The following ADPRHL1 variants were observed in gnomAD, a reference collection of about 807,000 sequenced individuals.
ADPRHL1 encodes inactive ADP-ribosyltransferase ARH2.
Under a neutral mutation model 44.1 loss-of-function variants are expected in ADPRHL1, and 43 were observed. The ratio of observed to expected loss-of-function variants is 0.98; its 90% CI spans 0.76 to 1.26. ADPRHL1 has a LOEUF of 1.26. ADPRHL1 is among the 50% of genes most tolerant of loss of function. ADPRHL1 has a pLI of 0.00. For synonymous variants in ADPRHL1, 878 were observed against 1,017.4 expected (o/e 0.86, Z 2.61); for missense variants, 2,022 against 2,496.9 (o/e 0.81, Z 4.05).
chr13:113,399,758 A>G lies in ADPRHL1; in HGVS notation c.*3620T>C, dbSNP rs142262091. 105 of 152,186 alleles carry G rather than the reference A, an allele frequency of 6.9e-4. 1 individual carries two copies. Among genetic ancestry groups the G allele is most frequent in the African/African-American group, 2.3e-3 (95 of 41,546 alleles). 9.4% of individuals were successfully genotyped at this position (152,186 alleles called of 1,614,324 possible). On this transcript the variant is annotated 3_prime_UTR_variant, in exon 8 of 8. Coordinates refer to ENST00000612156, the MANE Select transcript of ADPRHL1 (RefSeq NM_001394807.1). ...TGTTTATATACAAAGAAGAATATGA[A>G]CAAGAACAAATTTAATAAATAGCTG...
At chr13:113,417,729 G>A (rs1190505550) in intron 7 of ADPRHL1, among the ~76,000 whole-genome samples, 1 of 152,270 alleles carries the variant, frequency 6.6e-6, no homozygotes, top group Non-Finnish European at 1.5e-5. Context: ...GTGTTAACTG[G>A]AAATGCGTTT....
chr13:113,452,315 C>T (rs2044184099), intron 1 of ADPRHL1, among the ~76,000 whole-genome samples: 2 of 152,204 alleles, frequency 1.3e-5, no homozygotes, highest in Non-Finnish European at 2.9e-5. Context: ...TTCAGCTCTC[C>T]CGTTATTTAG....
chr13:113,423,105 C>T, intron 6 of ADPRHL1, 126 bp from the exon 7 acceptor site: 1 of 1,359,088 alleles, frequency 7.4e-7, no homozygotes, highest in Non-Finnish European at 1.0e-6. Flanking sequence ...ATAAAAGGGA[C>T]AGGCAGGCCA....
rs1051788195 is a variant in ADPRHL1 at position 113,405,285 on chromosome 13, G to T, written c.3997C>A (p.Arg1333=). 8.1e-7 allele frequency: 1 copy of T among 1,231,876 alleles called. No homozygotes were observed. Among genetic ancestry groups the T allele is most frequent in the Non-Finnish European group, 1.0e-6 (1 of 988,094 alleles). The allele number at this position is 1,231,876 out of a possible 1,614,324, so 76.3% of individuals were successfully genotyped here. A position where few individuals can be genotyped will look rare whatever the true frequency, so the allele number is the denominator to read the frequency against. The part of the protein sequence containing the change: ...DMGWVGGTHQ[R]GPPHLQAHLP... ...TGTGCCTGTAGATGGGGAGGGCCCC[G>T]CTGGTGGGTGCCACCTACCCACCCC... The change falls in exon 8 of 8, where the codon CGG becomes AGG. Residue 1333 remains arginine, a synonymous_variant. Coordinates refer to ENST00000612156, the MANE Select transcript of ADPRHL1 (RefSeq NM_001394807.1).
intron 7 of ADPRHL1, among the ~76,000 whole-genome samples, chr13:113,418,157 A>T (rs945258945): frequency 6.6e-6 from 1 of 152,204 alleles, no homozygotes; most frequent in Non-Finnish European, 1.5e-5. Flanking sequence ...CATGAACTGC[A>T]GCTCTGGGAG....
At chr13:113,423,218 C>T (rs1182397386) in intron 6 of ADPRHL1, among the ~76,000 whole-genome samples, 1 of 152,026 alleles carries the variant, frequency 6.6e-6, no homozygotes, top group African/African-American at 2.4e-5. Flanking sequence ...GATTGCCTCT[C>T]TGCACTCCAG....
At chr13:113,448,994 C>A (rs2044161222) in intron 1 of ADPRHL1, 2 of 986,046 alleles carry the variant, frequency 2.0e-6, no homozygotes, top group South Asian at 9.3e-5. Context: ...GGCACACACA[C>A]ACACCTGCTA....
At chr13:113,447,248 CTA>C (rs1349616357) in intron 1 of ADPRHL1, among the ~76,000 whole-genome samples, 7 of 117,790 alleles carry the variant, frequency 5.9e-5, no homozygotes, top group Non-Finnish European at 1.2e-4. Flanking sequence ...TGCATGGCGT[CTA>C]CACGCACGGT....
chr13:113,442,158 G>C (rs960345853), intron 2 of ADPRHL1, among the ~76,000 whole-genome samples: 17 of 152,140 alleles, frequency 1.1e-4, no homozygotes, highest in African/African-American at 4.1e-4. Context: ...TTTTTTCAGG[G>C]TGTAGAATTC....
At chr13:113,420,864 G>A (rs1270650552) in intron 7 of ADPRHL1, among the ~76,000 whole-genome samples, 1 of 137,156 alleles carries the variant, frequency 7.3e-6, no homozygotes, top group Admixed American at 7.2e-5. Flanking sequence ...GACACACCTA[G>A]CCCCAGGACC....
In ADPRHL1 at chr13:113,404,415, T is replaced by C. The variant is rs2043790929; in HGVS notation, c.4867A>G (p.Lys1623Glu). Residue 1623 changes from lysine (K) to glutamate (E), a missense_variant, in exon 8 of 8, where the codon AAG becomes GAG. Transcript: ENST00000612156. ...QGQAQWQTQI[K>E]AQKWAQEQTQ... is the part of the protein sequence containing the mutation. The stretch of plus-strand genomic sequence containing the variant: ...TGTTCCTGAGCCCATTTCTGGGCCT[T>C]TATCTGGGTCTGCCACTGGGCCTGT... 7.6e-7 allele frequency: 1 copy of C among 1,315,240 alleles called. No individual in the cohort carries two copies. The highest frequency in any genetic ancestry group is 9.6e-7 in the Non-Finnish European group (1 of 1,039,828). 81.5% of individuals were successfully genotyped at this position (1,315,240 alleles called of 1,614,324 possible).
Position 113,453,217 on chromosome 13 carries a change from A to C in ADPRHL1, c.214+7T>G. 6.2e-7 allele frequency: 1 copy of C among 1,613,940 alleles called. No individual in the cohort carries two copies. Among genetic ancestry groups the C allele is most frequent in the Non-Finnish European group, 8.5e-7 (1 of 1,179,988 alleles). ...CCGCACACCGGAGCGCGGTGGGCCCAGCCTACCTGTGGTGAGGGCCTCGGC... is the reference window on the plus strand; with the variant it reads ...CCGCACACCGGAGCGCGGTGGGCCCCGCCTACCTGTGGTGAGGGCCTCGGC... On this transcript the variant is annotated splice_region_variant and intron_variant, in intron 1 of 7. Coordinates refer to ENST00000612156, the MANE Select transcript of ADPRHL1 (RefSeq NM_001394807.1). The surrounding 1 kb of genome is among the most constrained non-coding windows in gnomAD (Gnocchi z 5.4).
chr13:113,421,307 G>T (rs1165491225), intron 7 of ADPRHL1, among the ~76,000 whole-genome samples: 1 of 120,392 alleles, frequency 8.3e-6, no homozygotes, highest in Non-Finnish European at 1.7e-5. Flanking sequence ...CCCACTCCCG[G>T]GACACGCCCA....
intron 2 of ADPRHL1, among the ~76,000 whole-genome samples, chr13:113,438,210 A>G (rs902836978): frequency 4.6e-5 from 7 of 152,166 alleles, no homozygotes; most frequent in African/African-American, 1.7e-4. Context: ...CCTCCAGTAG[A>G]TCTTCCACAG....
intron 1 of ADPRHL1, among the ~76,000 whole-genome samples, chr13:113,452,819 CAAG>C (rs1281766376): frequency 6.6e-6 from 1 of 152,204 alleles, no homozygotes; most frequent in African/African-American, 2.4e-5. Context: ...GAATTCAGAA[CAAG>C]AAGGCTTAAT....
In ADPRHL1 at chr13:113,399,686, C is replaced by T. The variant is rs938624288; in HGVS notation, c.*3692G>A. Reference sequence around the variant, plus strand: ...TGTTAGTAAAAATACAGAGAGAATACAACAAATGACATTTAGTAATTTTTT... The same window carrying T: ...TGTTAGTAAAAATACAGAGAGAATATAACAAATGACATTTAGTAATTTTTT... On this transcript the variant is annotated 3_prime_UTR_variant, in exon 8 of 8. Coordinates refer to ENST00000612156, the MANE Select transcript of ADPRHL1 (RefSeq NM_001394807.1). The T allele has an allele frequency of 6.6e-6, 1 of 152,054 alleles. No individual in the cohort carries two copies. The highest frequency in any genetic ancestry group is 1.9e-4 in the East Asian group (1 of 5,202). 9.4% of individuals were successfully genotyped at this position (152,054 alleles called of 1,614,324 possible). A position where few individuals can be genotyped will look rare whatever the true frequency, so the allele number is the denominator to read the frequency against.
At position 113,407,676 on chromosome 13, in the gene ADPRHL1, C is replaced by T. The variant is rs905534721; in HGVS notation, c.1606G>A (p.Gly536Ser). Residue 536 changes from glycine (G) to serine (S), a missense_variant, in exon 8 of 8, where the codon GGC (glycine) becomes AGC (serine). Transcript: ENST00000612156. ...TTGCCCATGATCTTCGGCAAGAGGC[C>T]CCTGGCGGCTTTGGGCCGCTCCACA... ...PPVERPKAARGLLPKIMGKSS... is the reference protein window; with the variant it reads ...PPVERPKAARSLLPKIMGKSS... The T allele has an allele frequency of 1.0e-4, 126 of 1,231,958 alleles. No individual in the cohort carries two copies. Among genetic ancestry groups the T allele is most frequent in the Non-Finnish European group, 1.2e-4 (121 of 988,016 alleles). 76.3% of individuals were successfully genotyped at this position (1,231,958 alleles called of 1,614,324 possible).
chr13:113,429,201 C>T, intron 3 of ADPRHL1, 109 bp from the exon 4 acceptor site: 1 of 1,422,978 alleles, frequency 7.0e-7, no homozygotes, highest in Admixed American at 2.1e-5. Context: ...TGCTCGTTTT[C>T]CGTCTTTCCC....
intron 1 of ADPRHL1, among the ~76,000 whole-genome samples, chr13:113,447,131 A>G (rs886866994): frequency 3.4e-5 from 5 of 146,502 alleles, no homozygotes; most frequent in East Asian, 2.1e-4. Context: ...TGGTGTCTAC[A>G]TGCAAGTTGT....
Sources: gnomAD v4.1 joint callset for allele counts (sites outside exome capture counted in the v4.1 genomes callset) on GRCh38, gnomAD v4.1.1 for gene constraint, Gnocchi (gnomAD v3.1) non-coding constraint, MANE v1.5 for transcripts, NCBI Gene and HGNC (gene_info 2026-07-23, HGNC 2026-07-21) for gene names.